EZH2: variants seen among roughly 807,000 people sequenced by gnomAD.
The protein encoded by EZH2 is enhancer of zeste 2 polycomb repressive complex 2 subunit.
EZH2 carries 18 observed loss-of-function variants against 98.4 expected under a neutral mutation model. The ratio of observed to expected loss-of-function variants is 0.18; its 90% confidence interval spans 0.13 to 0.27. The LOEUF (loss-of-function observed/expected upper bound fraction) is 0.27, where lower values mean the gene tolerates loss of function less well. Ranked by LOEUF, EZH2 falls within the 10% of genes least tolerant of loss-of-function variation. EZH2 has a pLI of 1.00. For synonymous variants in EZH2, 338 were observed against 312.3 expected (o/e 1.08, Z -0.87); for missense variants, 470 against 935.1 (o/e 0.50, Z 6.49).
At chr7:148,838,968 C>CT (rs1811617383) in intron 3 of EZH2, among the ~76,000 whole-genome samples, 1 of 151,898 alleles carries the variant, frequency 6.6e-6, no homozygotes, top group African/African-American at 2.4e-5. Flanking sequence ...ACAAGAATAG[C>CT]TTGAACCCAG....
chr7:148,835,304 T>A (rs1810588215), intron 3 of EZH2, among the ~76,000 whole-genome samples: 1 of 151,710 alleles, frequency 6.6e-6, no homozygotes, highest in South Asian at 2.1e-4. Flanking sequence ...GTGCCTGTAG[T>A]CCCAGCTACT....
intron 16 of EZH2, 76 bp downstream of exon 16, chr7:148,811,549 C>G: frequency 8.6e-7 from 1 of 1,166,224 alleles, no homozygotes; most frequent in Non-Finnish European, 1.2e-6. Context: ...CACAGACTTA[C>G]CTAATAAAAT....
chr7:148,807,938 A>C (rs1206798178), intron 19 of EZH2, among the ~76,000 whole-genome samples: 1 of 152,174 alleles, frequency 6.6e-6, no homozygotes, highest in African/African-American at 2.4e-5. Context: ...CAAGTTCTGA[A>C]GTGAACAAAC....
intron 1 of EZH2, among the ~76,000 whole-genome samples, chr7:148,859,334 C>G (rs781037394): frequency 6.6e-6 from 1 of 151,932 alleles, no homozygotes; most frequent in Non-Finnish European, 1.5e-5. Context: ...GGTGAAACCC[C>G]GTCTCTACTA....
chr7:148,858,816 G>T (rs1817239311), intron 1 of EZH2, among the ~76,000 whole-genome samples: 1 of 152,132 alleles, frequency 6.6e-6, no homozygotes, highest in Non-Finnish European at 1.5e-5. Flanking sequence ...GATCTCCATA[G>T]CAGCCTATAT....
chr7:148,817,191 C>CT, intron 11 of EZH2, 31 bp downstream of exon 11: 3 of 1,594,284 alleles, frequency 1.9e-6, no homozygotes, highest in Non-Finnish European at 2.6e-6. Flanking sequence ...GTTTGAAGCT[C>CT]TTTTAACAAC....
chr7:148,841,353 G>A (rs1359220423), intron 3 of EZH2, among the ~76,000 whole-genome samples: 1 of 151,992 alleles, frequency 6.6e-6, no homozygotes, highest in Admixed American at 6.6e-5. Flanking sequence ...ATACAGGTGG[G>A]AATGACTGAC....
At chr7:148,879,447 T>G (rs964811655) in intron 1 of EZH2, among the ~76,000 whole-genome samples, 1 of 151,804 alleles carries the variant, frequency 6.6e-6, no homozygotes, top group Non-Finnish European at 1.5e-5. Context: ...TCCTAGTACT[T>G]TGGGAGGCCA....
At chr7:148,853,497 G>A (rs763801215) in intron 1 of EZH2, among the ~76,000 whole-genome samples, 1 of 152,180 alleles carries the variant, frequency 6.6e-6, no homozygotes, top group Non-Finnish European at 1.5e-5. Flanking sequence ...ACGCTTCCGT[G>A]AGAATCTAAT....
chr7:148,860,086 A>C (rs1817445007), intron 1 of EZH2, among the ~76,000 whole-genome samples: 1 of 152,234 alleles, frequency 6.6e-6, no homozygotes, highest in Non-Finnish European at 1.5e-5. Flanking sequence ...TGGTTTTAAC[A>C]AAATCTCATC....
chr7:148,847,728 C>A (rs535502189), intron 1 of EZH2, among the ~76,000 whole-genome samples: 9 of 152,180 alleles, frequency 5.9e-5, no homozygotes, highest in Non-Finnish European at 1.3e-4. Flanking sequence ...AAAGGTAAAT[C>A]CAAGAAGAAG....
intron 15 of EZH2, 51 bp downstream of exon 15, chr7:148,813,908 T>A (rs776563803): frequency 6.4e-7 from 1 of 1,561,474 alleles, no homozygotes; most frequent in Non-Finnish European, 8.7e-7. Flanking sequence ...GACATTTGCA[T>A]CACTAAATAG....
chr7:148,883,527 C>A (rs996341058), intron 1 of EZH2: 1 of 150,554 alleles, frequency 6.6e-6, no homozygotes, highest in African/African-American at 2.4e-5. Flanking sequence ...CGCCGCGGCC[C>A]CAGCCCGGGG....
At chr7:148,880,596 T>A (rs1820814605) in intron 1 of EZH2, among the ~76,000 whole-genome samples, 1 of 152,340 alleles carries the variant, frequency 6.6e-6, no homozygotes, top group East Asian at 1.9e-4. Flanking sequence ...AGATTATAAC[T>A]AGGAAAAACT....
At chr7:148,824,316 A>G (rs1346183565) in intron 8 of EZH2, among the ~76,000 whole-genome samples, 1 of 13,090 alleles carries the variant, frequency 7.6e-5, no homozygotes, top group Non-Finnish European at 1.4e-4. Flanking sequence ...CTTCGTCTCA[A>G]AAAAAAAAAA....
At chr7:148,813,623 G>A (rs1803780470) in intron 15 of EZH2, among the ~76,000 whole-genome samples, 1 of 150,208 alleles carries the variant, frequency 6.7e-6, no homozygotes. Context: ...TTTGCATTAA[G>A]GATACTAGAT....
chr7:148,836,673 A>G (rs1340886686), intron 3 of EZH2: 2 of 376,142 alleles, frequency 5.3e-6, no homozygotes, highest in Non-Finnish European at 1.0e-5. Flanking sequence ...CTTGAGGATC[A>G]CACAAGGAAG....
chr7:148,881,151 C>T (rs1820901674), intron 1 of EZH2, among the ~76,000 whole-genome samples: 1 of 152,194 alleles, frequency 6.6e-6, no homozygotes, highest in Non-Finnish European at 1.5e-5. Context: ...GACTTCAAGG[C>T]TAATCCATAA....
chr7:148,835,055 A>G (rs1451291611), intron 3 of EZH2, among the ~76,000 whole-genome samples: 1 of 152,242 alleles, frequency 6.6e-6, no homozygotes, highest in African/African-American at 2.4e-5. Flanking sequence ...TAATTACTGC[A>G]CTGTAGTTCT....
Sources: gnomAD v4.1 joint callset for allele counts (sites outside exome capture counted in the v4.1 genomes callset) on GRCh38, gnomAD v4.1.1 for gene constraint, MANE v1.5 for transcripts, NCBI Gene and HGNC (gene_info 2026-07-23, HGNC 2026-07-21) for gene names.